The following EIF4H variants were observed in gnomAD, a reference collection of about 807,000 sequenced individuals.
EIF4H encodes the protein Williams-Beuren syndrome chromosome region 1.
EIF4H carries 8 observed loss-of-function variants against 30.6 expected under a neutral mutation model. The observed-to-expected ratio is 0.26, with a 90% CI of 0.15 to 0.47. The LOEUF (loss-of-function observed/expected upper bound fraction) is 0.47. EIF4H is among the 20% of genes least tolerant of loss of function. The probability of loss-of-function intolerance (pLI) is 0.99; values close to 1 mark genes in which losing one functional copy is unlikely to be tolerated. For missense variants in EIF4H, 188 were observed against 339.5 expected (o/e 0.55, Z 3.51); for synonymous variants, 106 against 122.7 (o/e 0.86, Z 0.90).
At position 74,195,656 on chromosome 7, in the gene EIF4H, C is replaced by T. The variant is rs1243941495; in HGVS notation, c.*348C>T. 18 of 199,924 alleles carry T rather than the reference C, an allele frequency of 9.0e-5. No homozygotes were observed. The highest frequency in any genetic ancestry group is 3.7e-4 in the African/African-American group (16 of 42,950). The allele number at this position is 199,924 out of a possible 1,614,324, so 12.4% of individuals were successfully genotyped here. On this transcript the variant is annotated 3_prime_UTR_variant, in exon 7 of 7. Transcript: ENST00000265753. The stretch of plus-strand genomic sequence containing the variant: ...GGGGGGCGTTTGGGCTGCGGTGCTG[C>T]GTCATTTTTCCTTTGCTTTCTCTTT...
intron 1 of EIF4H, among the ~76,000 whole-genome samples, chr7:74,183,045 A>C (rs1800998648): frequency 6.6e-6 from 1 of 152,138 alleles, no homozygotes; most frequent in African/African-American, 2.4e-5. Flanking sequence ...GCAGAAACCG[A>C]GTCTTAGGTT....
rs199775069 is a variant in EIF4H at position 74,187,710 on chromosome 7, G to A, written c.159G>A (p.Thr53=). The change falls in exon 2 of 7, where the codon ACG becomes ACA. Residue 53 remains threonine, a synonymous_variant. Coordinates refer to ENST00000265753, the MANE Select transcript of EIF4H (RefSeq NM_022170.2). The part of the protein sequence containing the change: ...TAYVGNLPFN[T]VQGDIDAIFK... The stretch of plus-strand genomic sequence containing the variant: ...ACGTAGGAAATCTACCTTTCAATAC[G>A]GTTCAGGGCGACATAGATGCTATCT... 1.2e-5 allele frequency: 19 copies of A among 1,613,770 alleles called. No individual in the cohort carries two copies. Among genetic ancestry groups the A allele is most frequent in the Non-Finnish European group, 1.4e-5 (17 of 1,179,878 alleles).
chr7:74,181,533 G>C (rs1258172240), intron 1 of EIF4H, among the ~76,000 whole-genome samples: 2 of 152,092 alleles, frequency 1.3e-5, no homozygotes, highest in Non-Finnish European at 1.5e-5. Flanking sequence ...CTGGGTTCAA[G>C]CGATTCTCCT....
intron 6 of EIF4H, 62 bp from the exon 7 acceptor site, chr7:74,195,107 G>T: frequency 6.3e-7 from 1 of 1,589,856 alleles, no homozygotes; most frequent in Non-Finnish European, 8.6e-7. Context: ...CATCAGCATG[G>T]TCGTTTTGCT....
At chr7:74,187,958 C>T (rs1801126110) in intron 2 of EIF4H, among the ~76,000 whole-genome samples, 160 bp downstream of exon 2, 1 of 152,206 alleles carries the variant, frequency 6.6e-6, no homozygotes, top group Non-Finnish European at 1.5e-5. Flanking sequence ...AACTCTTCAA[C>T]TCATAGGTCT....
intron 5 of EIF4H, among the ~76,000 whole-genome samples, chr7:74,190,556 C>T (rs1801183395): frequency 6.6e-6 from 1 of 152,206 alleles, no homozygotes; most frequent in Non-Finnish European, 1.5e-5. Context: ...GGGCCTGGGT[C>T]CTTGAGCTCG....
intron 2 of EIF4H, among the ~76,000 whole-genome samples, chr7:74,189,070 C>T (rs930540969): frequency 6.6e-6 from 1 of 152,042 alleles, no homozygotes; most frequent in Non-Finnish European, 1.5e-5. Flanking sequence ...GAGTAATGAA[C>T]TAGATTTAGA....
intron 3 of EIF4H, 42 bp downstream of exon 3, chr7:74,189,779 GT>G (rs1554709638): frequency 6.2e-7 from 1 of 1,614,124 alleles, no homozygotes; most frequent in Non-Finnish European, 8.5e-7. Flanking sequence ...AGTTGAGATT[GT>G]TTTCTTTGCC....
intron 1 of EIF4H, among the ~76,000 whole-genome samples, chr7:74,180,694 C>T (rs1282177777): frequency 2.6e-5 from 4 of 152,186 alleles, no homozygotes; most frequent in African/African-American, 9.6e-5. Context: ...GATGGCCAGG[C>T]TCTGAAACTT....
At chr7:74,185,700 G>A (rs1332380229) in intron 1 of EIF4H, among the ~76,000 whole-genome samples, 5 of 152,082 alleles carry the variant, frequency 3.3e-5, no homozygotes, top group African/African-American at 1.2e-4. Context: ...AATTTCCATT[G>A]TGTTTCTGGC....
At chr7:74,179,611 G>A (rs576521572) in intron 1 of EIF4H, among the ~76,000 whole-genome samples, 196 of 139,712 alleles carry the variant, frequency 1.4e-3, no homozygotes, top group Non-Finnish European at 6.6e-4. Context: ...CCGCCTGGGC[G>A]ACAGGGTGAG....
intron 5 of EIF4H, among the ~76,000 whole-genome samples, 172 bp downstream of exon 5, chr7:74,190,478 G>A (rs1050485167): frequency 2.0e-5 from 3 of 151,912 alleles, no homozygotes; most frequent in Non-Finnish European, 4.4e-5. Context: ...AGCCTGTGGG[G>A]GCAGGACTTG....
rs782502397 is a variant in EIF4H, at chr7:74,194,908, C to T, written c.607+30C>T. 1.1e-5 allele frequency: 17 copies of T among 1,570,592 alleles called. No homozygotes were observed. The South Asian group carries it at 1.8e-4, about 17-fold the overall frequency. On this transcript the variant is annotated intron_variant, in intron 6 of 6. Transcript: ENST00000265753. ...GGGCTCATGTGTCAGTGGAGGGCAT[C>T]TTGTCCTGATGGGATGATCATGGCC...
intron 4 of EIF4H, 151 bp downstream of exon 4, chr7:74,190,069 A>G (rs1296521863): frequency 4.4e-6 from 5 of 1,133,534 alleles, no homozygotes; most frequent in Non-Finnish European, 6.2e-6. Context: ...CCTAGAAAGA[A>G]TGGCTGATGC....
At chr7:74,189,568 C>A in intron 2 of EIF4H, 105 bp from the exon 3 acceptor site, 1 of 1,311,884 alleles carries the variant, frequency 7.6e-7, no homozygotes. Context: ...ATCATCTAGA[C>A]AACAGAATGG....
chr7:74,183,787 G>T (rs1411816588), intron 1 of EIF4H: 1 of 152,110 alleles, frequency 6.6e-6, no homozygotes, highest in Non-Finnish European at 1.5e-5. Flanking sequence ...GTACTCTGGG[G>T]TACTCACATC....
At chr7:74,188,163 T>C (rs1332672569) in intron 2 of EIF4H, among the ~76,000 whole-genome samples, 1 of 152,200 alleles carries the variant, frequency 6.6e-6, no homozygotes, top group African/African-American at 2.4e-5. Context: ...TCCTTGGTAG[T>C]TAATCCAGTA....
rs1554710447 is a variant in EIF4H, at chr7:74,194,784, A to G, written c.513A>G (p.Pro171=). The change falls in exon 6 of 7, where the codon CCA becomes CCG. Residue 171 remains proline, a synonymous_variant. Coordinates refer to ENST00000265753, the MANE Select transcript of EIF4H (RefSeq NM_022170.2). The stretch of plus-strand genomic sequence containing the variant: ...TAGGGGGCAGGGGAGGTAGTCGCCC[A>G]GGCGACCGGCGAACAGGCCCCCCCA... ...DFLGGRGGSR[P]GDRRTGPPMG... The G allele has an allele frequency of 2.5e-6, 4 of 1,600,468 alleles. No homozygotes were observed. Among genetic ancestry groups the G allele is most frequent in the Non-Finnish European group, 3.4e-6 (4 of 1,168,790 alleles).
intron 1 of EIF4H, among the ~76,000 whole-genome samples, chr7:74,184,958 G>C (rs1245959660): frequency 3.9e-5 from 6 of 152,084 alleles, no homozygotes; most frequent in Admixed American, 6.6e-5. Flanking sequence ...TGGGATTACA[G>C]GTATGAGCCA....
Sources: allele counts gnomAD v4.1 joint callset (sites outside exome capture counted in the v4.1 genomes callset), GRCh38; gene constraint gnomAD v4.1.1; transcripts MANE v1.5; gene names NCBI Gene and HGNC (gene_info 2026-07-23, HGNC 2026-07-21).